Variants in SAMHD1 observed in about 807,000 individuals in gnomAD.
SAMHD1 encodes SAM and HD domain containing deoxynucleoside triphosphate triphosphohydrolase 1.
In SAMHD1, 54 loss-of-function variants were observed where a neutral mutation model predicts 79.6. The observed-to-expected ratio is 0.68, with a 90% confidence interval of 0.55 to 0.85. The LOEUF (loss-of-function observed/expected upper bound fraction) is 0.85, where lower values mean the gene tolerates loss of function less well. SAMHD1 is among the 40% of genes least tolerant of loss of function. The probability of loss-of-function intolerance (pLI) is 0.00; values close to 1 mark genes in which losing one functional copy is unlikely to be tolerated. For synonymous variants in SAMHD1, 260 were observed against 264.1 expected (o/e 0.98, Z 0.15); for missense variants, 663 against 782.7 (o/e 0.85, Z 1.82).
intron 2 of SAMHD1, chr20:36,946,294 TCCCAG>T (rs1033465029): frequency 1.1e-4 from 17 of 160,672 alleles, no homozygotes; most frequent in African/African-American, 4.1e-4. Context: ...GCGCCTGTAG[TCCCAG>T]CTACTCGGGA....
chr20:36,942,804 G>A (rs2063656048), intron 2 of SAMHD1, among the ~76,000 whole-genome samples: 1 of 151,898 alleles, frequency 6.6e-6, no homozygotes, highest in South Asian at 2.1e-4. Context: ...CCGCCACCAT[G>A]CCCAGCTAAT....
At chr20:36,916,480 C>T in intron 9 of SAMHD1, 1 of 415,470 alleles carries the variant, frequency 2.4e-6, no homozygotes, top group Non-Finnish European at 4.4e-6. Flanking sequence ...AAAAAAAATG[C>T]AACCAACCAA....
At chr20:36,904,717 AAAAC>A (rs377128819) in intron 12 of SAMHD1, 37 of 182,632 alleles carry the variant, frequency 2.0e-4, no homozygotes, top group African/African-American at 4.6e-4. Flanking sequence ...ACTCTGTCTA[AAAAC>A]AAACAAACAA....
At chr20:36,896,047 A>T (rs2148354431) in intron 15 of SAMHD1, among the ~76,000 whole-genome samples, 1 of 152,058 alleles carries the variant, frequency 6.6e-6, no homozygotes, top group East Asian at 1.9e-4. Context: ...TATATAAGGG[A>T]CTTGAGCATC....
At chr20:36,923,808 T>G (rs950330749) in intron 6 of SAMHD1, among the ~76,000 whole-genome samples, 1 of 152,098 alleles carries the variant, frequency 6.6e-6, no homozygotes, top group Admixed American at 6.6e-5. Flanking sequence ...AATAAAAACA[T>G]AAATCTTATT....
chr20:36,901,376 T>A (rs1028758848), intron 13 of SAMHD1, among the ~76,000 whole-genome samples: 2 of 152,162 alleles, frequency 1.3e-5, no homozygotes, highest in Admixed American at 6.5e-5. Flanking sequence ...CAGCAAGGCA[T>A]GATCATGCCA....
intron 1 of SAMHD1, among the ~76,000 whole-genome samples, chr20:36,950,114 GCA>G (rs1256453487): frequency 2.6e-5 from 4 of 151,730 alleles, no homozygotes; most frequent in African/African-American, 9.7e-5. Flanking sequence ...CCAAATGAAA[GCA>G]CATAGTGTCT....
At chr20:36,904,485 C>G in intron 12 of SAMHD1, 5 of 454,882 alleles carry the variant, frequency 1.1e-5, no homozygotes, top group Non-Finnish European at 2.0e-5. Flanking sequence ...TTGGGAGGCC[C>G]AGGTGGGCGG....
intron 15 of SAMHD1, chr20:36,894,196 A>T (rs1990151494): frequency 2.7e-6 from 1 of 374,442 alleles, no homozygotes; most frequent in Non-Finnish European, 4.7e-6. Flanking sequence ...ACTACACTGG[A>T]TCTGACTTGA....
chr20:36,904,543 C>G, intron 12 of SAMHD1: 1 of 361,696 alleles, frequency 2.8e-6, no homozygotes, highest in Non-Finnish European at 5.3e-6. Context: ...ATGGTGAAAC[C>G]CCGTCTCTAC....
At chr20:36,931,394 G>T (rs988818694) in intron 4 of SAMHD1, among the ~76,000 whole-genome samples, 2 of 152,190 alleles carry the variant, frequency 1.3e-5, no homozygotes, top group Non-Finnish European at 2.9e-5. Context: ...CCAGCACTTT[G>T]GGAGGCTGAG....
intron 2 of SAMHD1, chr20:36,946,447 C>T (rs2146151018): frequency 3.3e-6 from 1 of 304,808 alleles, no homozygotes; most frequent in East Asian, 7.6e-5. Flanking sequence ...ATTAGTGGGG[C>T]ATGGTGGTGG....
Position 36,904,253 on chromosome 20 carries a change from G to A in SAMHD1, c.1411-4C>T, listed in dbSNP as rs866585626. The A allele has an allele frequency of 3.1e-6, 5 of 1,587,300 alleles. No individual in the cohort carries two copies. Among genetic ancestry groups the A allele is most frequent in the Non-Finnish European group, 4.3e-6 (5 of 1,155,728 alleles). On this transcript the variant is annotated splice_region_variant and splice_polypyrimidine_tract_variant and intron_variant, in intron 12 of 15. Coordinates refer to ENST00000646673, the MANE Select transcript of SAMHD1 (RefSeq NM_015474.4). ...TTGGAAGAGATTCATAGTCCTCCTG[G>A]AAAACACAAGACTCCCCATGTTAGA...
At position 36,892,157 on chromosome 20, in the gene SAMHD1, C is replaced by T. The variant is rs1001921179; in HGVS notation, c.*775G>A. 3 of 152,350 alleles carry T rather than the reference C, an allele frequency of 2.0e-5. No individual in the cohort carries two copies. Among genetic ancestry groups the T allele is most frequent in the Admixed American group, 6.5e-5 (1 of 15,274 alleles). 9.4% of individuals were successfully genotyped at this position (152,350 alleles called of 1,614,324 possible). On this transcript the variant is annotated 3_prime_UTR_variant, in exon 16 of 16. Transcript: ENST00000646673. Reference sequence around the variant, plus strand: ...TCCCAACAAGAGGCGGCTTTATGTTCCACTCACGAAGAGGCCAGAGCTCTC... The same window carrying T: ...TCCCAACAAGAGGCGGCTTTATGTTTCACTCACGAAGAGGCCAGAGCTCTC...
intron 6 of SAMHD1, among the ~76,000 whole-genome samples, chr20:36,922,033 G>C (rs1042446630): frequency 4.6e-5 from 7 of 152,164 alleles, no homozygotes; most frequent in Admixed American, 1.3e-4. Flanking sequence ...TGCATAGCTT[G>C]AATCCATGAG....
At chr20:36,913,456 A>G (rs984054994) in intron 9 of SAMHD1, among the ~76,000 whole-genome samples, 1 of 151,480 alleles carries the variant, frequency 6.6e-6, no homozygotes, top group African/African-American at 2.4e-5. Context: ...TACAAAAATT[A>G]GCCGGGCATG....
At chr20:36,921,412 A>C (rs6030159) in intron 6 of SAMHD1, among the ~76,000 whole-genome samples, 5 of 151,040 alleles carry the variant, frequency 3.3e-5, no homozygotes, top group South Asian at 2.1e-4. Context: ...AAAAAAAAAA[A>C]CGAATTGAAT....
chr20:36,911,182 T>G, intron 11 of SAMHD1, 36 bp downstream of exon 11: 1 of 1,262,770 alleles, frequency 7.9e-7, no homozygotes, highest in Non-Finnish European at 1.2e-6. Context: ...ACAGTTTATC[T>G]GAGATGGACC....
Position 36,951,505 on chromosome 20 carries a change from G to C in SAMHD1, c.139C>G (p.Pro47Ala), listed in dbSNP as rs764432841. The change falls in exon 1 of 16, where the codon CCG becomes GCG. Residue 47 changes from proline to alanine, a missense_variant. By Grantham distance (27) the Pro-to-Ala change is conservative (BLOSUM62 -1). Coordinates refer to ENST00000646673, the MANE Select transcript of SAMHD1 (RefSeq NM_015474.4). Reference sequence around the variant, plus strand: ...CTGAGGAAGGAGCACACCTGCTCCGGACCCCATGTCTTGTAGTCGGGATGG... The same window carrying C: ...CTGAGGAAGGAGCACACCTGCTCCGCACCCCATGTCTTGTAGTCGGGATGG... ...ELHPDYKTWG[P>A]EQVCSFLRRG... is the part of the protein sequence containing the mutation. The C allele has an allele frequency of 6.2e-7, 1 of 1,614,088 alleles. No individual in the cohort carries two copies. Among genetic ancestry groups the C allele is most frequent in the African/African-American group, 1.3e-5 (1 of 74,944 alleles).
Sources: gnomAD v4.1 joint callset for allele counts (sites outside exome capture counted in the v4.1 genomes callset) on GRCh38, gnomAD v4.1.1 for gene constraint, MANE v1.5 for transcripts, NCBI Gene and HGNC (gene_info 2026-07-23, HGNC 2026-07-21) for gene names.